Variants in ZNF385D observed in about 807,000 individuals in gnomAD.
ZNF385D encodes the protein zinc finger protein 385D, also known as zinc finger protein 659.
In ZNF385D, 15 loss-of-function variants were observed where a neutral mutation model predicts 35.8. The ratio of observed to expected loss-of-function variants is 0.42; its 90% confidence interval spans 0.28 to 0.64. ZNF385D has a LOEUF of 0.64. Among genes scored for constraint, ZNF385D ranks in the 30% least tolerant of loss-of-function variants. The probability of loss-of-function intolerance (pLI) is 0.23; values close to 1 mark genes in which losing one functional copy is unlikely to be tolerated. For missense variants in ZNF385D, 474 were observed against 494.6 expected, an observed-to-expected ratio of 0.96 and a Z score of 0.39; for synonymous variants, 212 against 186.8, an observed-to-expected ratio of 1.13 and a Z score of -1.10.
At chr3:22,006,451 G>A (rs1696208718) in intron 3 of ZNF385D, among the ~76,000 whole-genome samples, 1 of 152,122 alleles carries the variant, frequency 6.6e-6, no homozygotes, top group African/African-American at 2.4e-5. Flanking sequence ...TCCCAGAAAT[G>A]ATTTTGAAGT....
At chr3:21,556,370 T>C (rs1466565404) in intron 3 of ZNF385D, among the ~76,000 whole-genome samples, 3 of 152,198 alleles carry the variant, frequency 2.0e-5, no homozygotes, top group Non-Finnish European at 4.4e-5. Context: ...TACATTTAAG[T>C]CTTTAATCCA....
At chr3:21,674,507 T>G (rs1199002454) in intron 1 of ZNF385D, among the ~76,000 whole-genome samples, 1 of 152,102 alleles carries the variant, frequency 6.6e-6, no homozygotes, top group Non-Finnish European at 1.5e-5. Flanking sequence ...ATGTGAATCA[T>G]AAAATGTAAA....
Position 21,510,849 on chromosome 3 carries a change from T to C in ZNF385D, c.439+12A>G. On this transcript the variant is annotated intron_variant, in intron 4 of 7. Coordinates refer to ENST00000281523, the MANE Select transcript of ZNF385D (RefSeq NM_024697.3). ...ACGACGAGGACAACAACAACAAAGA[T>C]CATTGCTTAACCTGTTTTGTCAGAG... 6.2e-7 allele frequency: 1 copy of C among 1,613,648 alleles called. No homozygotes were observed.
rs778136844 is a variant in ZNF385D at position 21,564,664 on chromosome 3, A to T, written c.186T>A (p.Ala62=). ...GAACCCCGAATGTATGGTTTATTAC[A>T]GCTTTCTGAATCGGGTCCATCTGTA... ...NFNAMDPIQK[A]VINHTFGVPL... The change falls in exon 3 of 8, where the codon GCT becomes GCA. Residue 62 remains alanine (A), a synonymous_variant. Coordinates refer to ENST00000281523, the MANE Select transcript of ZNF385D (RefSeq NM_024697.3). 1 of 1,576,716 alleles carries T rather than the reference A, an allele frequency of 6.3e-7. No homozygotes were observed. The highest frequency in any genetic ancestry group is 1.8e-5 in the Admixed American group (1 of 54,948).
intron 2 of ZNF385D, among the ~76,000 whole-genome samples, chr3:22,235,802 G>T (rs1477237663): frequency 6.6e-6 from 1 of 152,020 alleles, no homozygotes; most frequent in African/African-American, 2.4e-5. Flanking sequence ...ACATAGTCTG[G>T]GAGGAGTGCA....
intron 3 of ZNF385D, among the ~76,000 whole-genome samples, chr3:22,013,873 G>A (rs1191336922): frequency 1.3e-5 from 2 of 152,044 alleles, no homozygotes; most frequent in Non-Finnish European, 2.9e-5. Flanking sequence ...TGGGCTGAAG[G>A]TTCACTGCAA....
chr3:22,217,360 T>C (rs945838522), intron 2 of ZNF385D, among the ~76,000 whole-genome samples: 3 of 152,114 alleles, frequency 2.0e-5, no homozygotes, highest in Non-Finnish European at 4.4e-5. Context: ...TAAGGAACTG[T>C]GAACACAAAC....
intron 3 of ZNF385D, among the ~76,000 whole-genome samples, chr3:21,949,492 G>C (rs1263013919): frequency 4.6e-5 from 7 of 150,644 alleles, no homozygotes; most frequent in Admixed American, 4.0e-4. Flanking sequence ...AACTAGATGA[G>C]TGCTTTCTGA....
At chr3:21,856,788 G>A (rs532015093) in intron 3 of ZNF385D, among the ~76,000 whole-genome samples, 47 of 152,152 alleles carry the variant, frequency 3.1e-4, no homozygotes, top group South Asian at 2.5e-3. Context: ...CAGCTCATAG[G>A]TGCTCAATAA....
chr3:21,880,773 G>A (rs1698236628), intron 3 of ZNF385D, among the ~76,000 whole-genome samples: 1 of 151,956 alleles, frequency 6.6e-6, no homozygotes, highest in Non-Finnish European at 1.5e-5. Flanking sequence ...AGTTAGCAAT[G>A]TTGTGAACGC....
intron 3 of ZNF385D, among the ~76,000 whole-genome samples, chr3:22,033,131 G>C (rs913296203): frequency 2.0e-5 from 3 of 152,128 alleles, no homozygotes; most frequent in Non-Finnish European, 4.4e-5. Context: ...GCCGGGCACA[G>C]TGGCGCACTC....
chr3:21,852,997 C>T (rs1438049134), intron 3 of ZNF385D, among the ~76,000 whole-genome samples: 2 of 151,890 alleles, frequency 1.3e-5, no homozygotes, highest in East Asian at 1.9e-4. Context: ...AAACATCCCT[C>T]TGGACCTATT....
chr3:22,266,019 TC>T (rs2125353299), intron 2 of ZNF385D, among the ~76,000 whole-genome samples: 1 of 152,118 alleles, frequency 6.6e-6, no homozygotes, highest in African/African-American at 2.4e-5. Context: ...CATCTTGGCC[TC>T]CACTTTCCCA....
intron 3 of ZNF385D, among the ~76,000 whole-genome samples, chr3:22,010,786 G>T (rs1284143304): frequency 6.6e-6 from 1 of 152,150 alleles, no homozygotes; most frequent in East Asian, 1.9e-4. Flanking sequence ...GCTTCTGTAT[G>T]AATAATTATT....
intron 3 of ZNF385D, among the ~76,000 whole-genome samples, chr3:21,855,800 C>T (rs112529279): frequency 3.8e-4 from 58 of 152,106 alleles, no homozygotes; most frequent in African/African-American, 1.3e-3. Flanking sequence ...GGGTTATGAG[C>T]TGATCTAGAT....
At chr3:21,775,964 C>A (rs1482159115) in intron 3 of ZNF385D, among the ~76,000 whole-genome samples, 2 of 151,612 alleles carry the variant, frequency 1.3e-5, no homozygotes, top group African/African-American at 4.8e-5. Context: ...ATAGTATTTT[C>A]TTTCAGATAC....
At chr3:21,594,398 C>G (rs1166825277) in intron 2 of ZNF385D, among the ~76,000 whole-genome samples, 2 of 152,002 alleles carry the variant, frequency 1.3e-5, no homozygotes, top group Non-Finnish European at 2.9e-5. Context: ...TGAAATGCTC[C>G]TAGGAAAGAC....
At chr3:21,765,122 A>T (rs971195957) in intron 3 of ZNF385D, among the ~76,000 whole-genome samples, 24 of 152,242 alleles carry the variant, frequency 1.6e-4, no homozygotes, top group African/African-American at 5.8e-4. Context: ...TTCATTAAAT[A>T]AGTTGGTTCT....
intron 2 of ZNF385D, among the ~76,000 whole-genome samples, chr3:21,565,269 TG>T (rs886354706): frequency 6.6e-6 from 1 of 152,080 alleles, no homozygotes; most frequent in East Asian, 1.9e-4. Context: ...GTGGACTTAT[TG>T]GGGGGTGCCA....
Sources: allele counts gnomAD v4.1 joint callset (sites outside exome capture counted in the v4.1 genomes callset), GRCh38; gene constraint gnomAD v4.1.1; transcripts MANE v1.5; gene names NCBI Gene and HGNC (gene_info 2026-07-23, HGNC 2026-07-21).